THNSL1: variants seen among roughly 807,000 people sequenced by gnomAD.
The protein encoded by THNSL1 is threonine synthase-like 1.
THNSL1 carries 48 observed loss-of-function variants against 50.4 expected under a neutral mutation model. The observed-to-expected ratio is 0.95, with a 90% CI of 0.76 to 1.21. THNSL1 has a LOEUF of 1.21. Ranked by LOEUF, THNSL1 falls within the 50% of genes most tolerant of loss-of-function variation. THNSL1 has a pLI of 0.00. For synonymous variants in THNSL1, 309 were observed against 306.1 expected (o/e 1.01, Z -0.10); for missense variants, 896 against 871.7 (o/e 1.03, Z -0.35).
chr10:25,024,094 A>G lies in THNSL1; in HGVS notation c.871A>G (p.Arg291Gly), dbSNP rs772572245. ...CCTAGTAGGAGCAACCTACGTAGAA[A>G]GAGCACAGATACTGTTGGAAAGATG... ...KSLVGATYVE[R>G]AQILLERCIH... is the part of the protein sequence containing the mutation. Residue 291 changes from arginine (R) to glycine (G), a missense_variant, in exon 3 of 3, where the codon AGA (arginine) becomes GGA (glycine). By Grantham distance (125) the Arg-to-Gly change is moderately radical. Coordinates refer to ENST00000376356, the MANE Select transcript of THNSL1 (RefSeq NM_024838.5). The G allele has an allele frequency of 6.8e-6, 11 of 1,614,214 alleles. No homozygotes were observed. In the South Asian group the frequency reaches 7.7e-5, roughly 11 times the overall value.
At chr10:25,014,520 TG>T (rs1327028306), upstream of THNSL1, among the ~76,000 whole-genome samples, 1 of 150,774 alleles carries the variant, frequency 6.6e-6, no homozygotes, top group African/African-American at 2.5e-5. Context: ...AAATTTTTTT[TG>T]AAAAAAAAAA....
At chr10:25,011,064 G>A in the THNSL1 span, among the ~76,000 whole-genome samples, 1 of 149,164 alleles carries the variant, frequency 6.7e-6, no homozygotes, top group South Asian at 2.1e-4. Flanking sequence ...CCCACCAACA[G>A]TGTAAAAGTG....
chr10:25,005,776 CACTT>C, the THNSL1 span, among the ~76,000 whole-genome samples: 4 of 152,216 alleles, frequency 2.6e-5, no homozygotes, highest in East Asian at 7.7e-4. Context: ...CTCTGATCTG[CACTT>C]ACTTGACAAC....
the THNSL1 span, among the ~76,000 whole-genome samples, chr10:25,003,870 C>T: frequency 6.6e-6 from 1 of 152,298 alleles, no homozygotes; most frequent in East Asian, 1.9e-4. Context: ...TGTTCCCCTC[C>T]ATGTGTTCAT....
chr10:24,988,690 A>G, the THNSL1 span, among the ~76,000 whole-genome samples: 25 of 32,404 alleles, frequency 7.7e-4, 1 homozygote, highest in African/African-American at 3.7e-3. Flanking sequence ...ATATATATAT[A>G]TATATATATA....
chr10:24,993,406 TCA>T, the THNSL1 span, among the ~76,000 whole-genome samples: 41 of 152,356 alleles, frequency 2.7e-4, no homozygotes, highest in African/African-American at 9.4e-4. Flanking sequence ...TTGTTGGAAA[TCA>T]CAGTTACTAA....
chr10:24,959,619 T>C, the THNSL1 span, among the ~76,000 whole-genome samples: 1 of 152,144 alleles, frequency 6.6e-6, no homozygotes, highest in Non-Finnish European at 1.5e-5. Flanking sequence ...TACGCCAATA[T>C]GCACTGCCAA....
chr10:24,952,594 G>T, the THNSL1 span: 1 of 1,578,308 alleles, frequency 6.3e-7, no homozygotes, highest in Non-Finnish European at 8.6e-7. This position sits in a 1 kb window ranked among gnomAD's most constrained non-coding sequence, Gnocchi z 5.1. Context: ...CGGGGAACGC[G>T]GGAAGGGAAG....
chr10:24,952,481 G>A, the THNSL1 span: 1 of 1,545,062 alleles, frequency 6.5e-7, no homozygotes, highest in Non-Finnish European at 8.8e-7. This position sits in a 1 kb window ranked among gnomAD's most constrained non-coding sequence, Gnocchi z 5.1. Context: ...GGGTGCCAGG[G>A]AGGGAGGGGA....
chr10:25,000,872 G>A, the THNSL1 span, among the ~76,000 whole-genome samples: 6 of 151,628 alleles, frequency 4.0e-5, no homozygotes, highest in Non-Finnish European at 7.4e-5. Context: ...GTTTTGTTTG[G>A]TTTGGTTTTA....
At chr10:24,956,467 T>A in the THNSL1 span, among the ~76,000 whole-genome samples, 10 of 148,754 alleles carry the variant, frequency 6.7e-5, no homozygotes, top group African/African-American at 2.2e-4. Flanking sequence ...TTTTATTTAT[T>A]TTTTTTTTTT....
At chr10:24,967,741 G>A in the THNSL1 span, among the ~76,000 whole-genome samples, 1 of 151,676 alleles carries the variant, frequency 6.6e-6, no homozygotes, top group Non-Finnish European at 1.5e-5. Flanking sequence ...TATGATGTGT[G>A]TATGTATGAT....
the THNSL1 span, among the ~76,000 whole-genome samples, chr10:24,964,992 T>C: frequency 1.3e-5 from 2 of 151,764 alleles, no homozygotes; most frequent in African/African-American, 4.8e-5. Flanking sequence ...GACTAGGAGG[T>C]TGAGGCTACA....
the THNSL1 span, among the ~76,000 whole-genome samples, chr10:24,973,065 T>C: frequency 6.6e-6 from 1 of 152,204 alleles, no homozygotes; most frequent in South Asian, 2.1e-4. Context: ...ATTTCACAGA[T>C]AGAACATTCA....
the THNSL1 span, among the ~76,000 whole-genome samples, chr10:24,978,954 C>A: frequency 6.6e-6 from 1 of 152,170 alleles, no homozygotes; most frequent in Non-Finnish European, 1.5e-5. Context: ...TCAGTCAGAC[C>A]TGCTGATTTT....
At chr10:25,013,170 G>A (rs1237786703), upstream of THNSL1, among the ~76,000 whole-genome samples, 1 of 152,178 alleles carries the variant, frequency 6.6e-6, no homozygotes, top group African/African-American at 2.4e-5. Context: ...GTGAAACTGT[G>A]AGTCAATTAA....
chr10:24,989,661 T>C, the THNSL1 span, among the ~76,000 whole-genome samples: 2 of 152,232 alleles, frequency 1.3e-5, no homozygotes, highest in African/African-American at 4.8e-5. Context: ...TTGATGATTA[T>C]GATGACATTG....
the THNSL1 span, among the ~76,000 whole-genome samples, chr10:24,997,421 C>T: frequency 2.8e-4 from 42 of 148,390 alleles, no homozygotes; most frequent in African/African-American, 1.0e-3. Flanking sequence ...GGGTCTCCCT[C>T]TGCCACCCAG....
chr10:25,000,224 T>C, the THNSL1 span, among the ~76,000 whole-genome samples: 2 of 152,166 alleles, frequency 1.3e-5, no homozygotes. Flanking sequence ...TTTTCTGACA[T>C]TTGTTTTATG....
Sources: gnomAD v4.1 joint callset for allele counts (sites outside exome capture counted in the v4.1 genomes callset) on GRCh38, gnomAD v4.1.1 for gene constraint, Gnocchi (gnomAD v3.1) non-coding constraint, MANE v1.5 for transcripts, NCBI Gene and HGNC (gene_info 2026-07-23, HGNC 2026-07-21) for gene names.